SPMIP2: variants seen among roughly 807,000 people sequenced by gnomAD.
SPMIP2 encodes sperm microtubule inner protein 2.
At chr4:159,065,091 C>A in the SPMIP2 span, among the ~76,000 whole-genome samples, 1 of 152,254 alleles carries the variant, frequency 6.6e-6, no homozygotes, top group African/African-American at 2.4e-5. Context: ...TACCTGTTCA[C>A]ATAAACTTAC....
chr4:158,929,602 T>A, the SPMIP2 span, among the ~76,000 whole-genome samples: 19 of 152,336 alleles, frequency 1.2e-4, no homozygotes, highest in Non-Finnish European at 7.4e-5. Context: ...TTATCATTAA[T>A]ATCTTATTTC....
At chr4:158,935,407 C>A in the SPMIP2 span, among the ~76,000 whole-genome samples, 1 of 152,220 alleles carries the variant, frequency 6.6e-6, no homozygotes, top group East Asian at 1.9e-4. Context: ...ATTGTTCATA[C>A]CCACGACACT....
chr4:159,033,647 T>C, the SPMIP2 span, among the ~76,000 whole-genome samples: 1 of 152,174 alleles, frequency 6.6e-6, no homozygotes, highest in Admixed American at 6.5e-5. Context: ...ATAAGCAGTG[T>C]ACTCTTGTTG....
chr4:159,023,855 G>C, the SPMIP2 span, among the ~76,000 whole-genome samples: 1 of 152,202 alleles, frequency 6.6e-6, no homozygotes, highest in Non-Finnish European at 1.5e-5. Flanking sequence ...CCTCCAGCCA[G>C]AGAAGGTCAC....
the SPMIP2 span, among the ~76,000 whole-genome samples, chr4:158,992,012 C>T: frequency 6.6e-6 from 1 of 152,182 alleles, no homozygotes; most frequent in African/African-American, 2.4e-5. Context: ...CTGACTCAGC[C>T]TCTCGAGTAG....
At chr4:159,002,628 C>A in the SPMIP2 span, among the ~76,000 whole-genome samples, 2 of 152,100 alleles carry the variant, frequency 1.3e-5, no homozygotes, top group Non-Finnish European at 2.9e-5. Flanking sequence ...ATTTCAAGTC[C>A]ATTTTTGTAT....
the SPMIP2 span, chr4:159,026,249 T>C: frequency 5.6e-6 from 3 of 531,432 alleles, 1 homozygote; most frequent in South Asian, 5.2e-5. Context: ...CCAGAGTGTA[T>C]CATCATTTGT....
chr4:159,023,783 T>TAGA, the SPMIP2 span, among the ~76,000 whole-genome samples: 1 of 152,222 alleles, frequency 6.6e-6, no homozygotes, highest in Admixed American at 6.5e-5. Flanking sequence ...TTAATAAACT[T>TAGA]AGAAGCTGCT....
the SPMIP2 span, among the ~76,000 whole-genome samples, chr4:159,040,052 T>C: frequency 6.6e-6 from 1 of 152,240 alleles, no homozygotes; most frequent in Non-Finnish European, 1.5e-5. Flanking sequence ...GCACACTTGG[T>C]AAACTGGAAA....
chr4:159,047,528 T>C, the SPMIP2 span, among the ~76,000 whole-genome samples: 24 of 152,364 alleles, frequency 1.6e-4, no homozygotes, highest in Non-Finnish European at 3.1e-4. Flanking sequence ...GTGCTTATCA[T>C]ACATGCTTAG....
chr4:159,024,960 T>A, the SPMIP2 span, among the ~76,000 whole-genome samples: 1 of 152,196 alleles, frequency 6.6e-6, no homozygotes, highest in Non-Finnish European at 1.5e-5. Context: ...CTAAGTACTC[T>A]GTACATATTA....
chr4:159,066,484 A>C, the SPMIP2 span, among the ~76,000 whole-genome samples: 1 of 151,922 alleles, frequency 6.6e-6, no homozygotes, highest in Non-Finnish European at 1.5e-5. Flanking sequence ...CTATGTCCTT[A>C]GTGAATGTGT....
chr4:158,901,139 T>TTG, the SPMIP2 span, among the ~76,000 whole-genome samples: 25 of 147,882 alleles, frequency 1.7e-4, no homozygotes, highest in African/African-American at 5.8e-4. Flanking sequence ...TTTTTTTTTT[T>TTG]TTTTTTTTTT....
At chr4:158,995,478 G>C in the SPMIP2 span, among the ~76,000 whole-genome samples, 1 of 152,132 alleles carries the variant, frequency 6.6e-6, no homozygotes, top group African/African-American at 2.4e-5. Flanking sequence ...CCCAATACTG[G>C]CTCAGTGTGA....
chr4:159,046,701 A>C, the SPMIP2 span, among the ~76,000 whole-genome samples: 1 of 152,072 alleles, frequency 6.6e-6, no homozygotes, highest in African/African-American at 2.4e-5. Context: ...GCCTCCCAAG[A>C]AGCTGGGACT....
At chr4:158,894,411 A>G in the SPMIP2 span, among the ~76,000 whole-genome samples, 1 of 151,954 alleles carries the variant, frequency 6.6e-6, no homozygotes, top group Admixed American at 6.6e-5. Flanking sequence ...GGCTCAAGTG[A>G]TCCTCCTACC....
chr4:158,960,407 T>C, the SPMIP2 span: 85 of 927,186 alleles, frequency 9.2e-5, no homozygotes, highest in African/African-American at 1.1e-3. Context: ...GGTCTAAGTA[T>C]CCATATTTCT....
the SPMIP2 span, among the ~76,000 whole-genome samples, chr4:158,902,716 C>T: frequency 2.6e-5 from 4 of 152,244 alleles, no homozygotes; most frequent in Admixed American, 6.5e-5. Flanking sequence ...CAGTCTGGCC[C>T]CAGTGGCCTT....
the SPMIP2 span, among the ~76,000 whole-genome samples, chr4:158,978,268 A>C: frequency 5.3e-5 from 8 of 152,172 alleles, no homozygotes; most frequent in African/African-American, 1.2e-4. Context: ...AGCTGATTGC[A>C]CTGTGGTCTG....
Sources: allele counts gnomAD v4.1 joint callset (sites outside exome capture counted in the v4.1 genomes callset), GRCh38; gene constraint gnomAD v4.1.1; transcripts MANE v1.5; gene names NCBI Gene and HGNC (gene_info 2026-07-23, HGNC 2026-07-21).